CMKLR2: variants seen among roughly 807,000 people sequenced by gnomAD.
CMKLR2 encodes chemerin-like receptor 2.
Under a neutral mutation model 23.0 loss-of-function variants are expected in CMKLR2, and 18 were observed. The observed-to-expected ratio is 0.78, with a 90% CI of 0.54 to 1.16. The LOEUF is 1.16. Among genes scored for constraint, CMKLR2 ranks in the 50% most tolerant of loss-of-function variants. CMKLR2 has a pLI of 0.00. For missense variants in CMKLR2, 401 were observed against 412.7 expected (o/e 0.97, Z 0.25); for synonymous variants, 158 against 158.9 (o/e 0.99, Z 0.05).
intron 1 of CMKLR2, among the ~76,000 whole-genome samples, chr2:206,177,845 T>C (rs955211962): frequency 6.6e-6 from 1 of 152,230 alleles, no homozygotes; most frequent in African/African-American, 2.4e-5. Flanking sequence ...TCTACGGTTA[T>C]AATTCTTCAG....
At chr2:206,206,515 G>A (rs1022110361) in intron 1 of CMKLR2, among the ~76,000 whole-genome samples, 2 of 152,232 alleles carry the variant, frequency 1.3e-5, no homozygotes, top group Non-Finnish European at 2.9e-5. Flanking sequence ...CTTCTAAAAG[G>A]TAAGCGGTAC....
intron 1 of CMKLR2, among the ~76,000 whole-genome samples, chr2:206,197,737 C>G (rs12472357): frequency 0.2 from 30,736 of 151,882 alleles, 3,239 homozygotes; most frequent in Admixed American, 0.28. Flanking sequence ...CTATGTTGCC[C>G]AGGCTGGTCT....
intron 1 of CMKLR2, among the ~76,000 whole-genome samples, chr2:206,183,893 T>C (rs1688492396): frequency 6.6e-6 from 1 of 152,216 alleles, no homozygotes; most frequent in Admixed American, 6.5e-5. Context: ...CCAGACCTCA[T>C]TTAAACCTTC....
chr2:206,211,211 G>A (rs1689547991), intron 1 of CMKLR2, among the ~76,000 whole-genome samples: 1 of 152,136 alleles, frequency 6.6e-6, no homozygotes, highest in Admixed American at 6.6e-5. Context: ...TCATAATGAT[G>A]ATAGTTTATG....
chr2:206,206,123 G>A (rs1424336647), intron 1 of CMKLR2, among the ~76,000 whole-genome samples: 1 of 152,170 alleles, frequency 6.6e-6, no homozygotes, highest in East Asian at 1.9e-4. Flanking sequence ...ATATTTATCT[G>A]TGAAATACCA....
At chr2:206,189,213 C>T (rs376367586) in intron 1 of CMKLR2, among the ~76,000 whole-genome samples, 13 of 152,150 alleles carry the variant, frequency 8.5e-5, no homozygotes, top group East Asian at 1.9e-4. Flanking sequence ...ACTCTGTCTA[C>T]GTAGGTTGCC....
At chr2:206,204,413 T>C (rs1369037243) in intron 1 of CMKLR2, among the ~76,000 whole-genome samples, 1 of 151,586 alleles carries the variant, frequency 6.6e-6, no homozygotes, top group East Asian at 1.9e-4. Flanking sequence ...GATTCTTTCA[T>C]TACATTGTAT....
At position 206,201,787 on chromosome 2, in the gene CMKLR2, G is replaced by A. The variant is rs149640669; in HGVS notation, c.-29+11520C>T. Among the ~76,000 whole-genome samples, 1,314 of 152,304 alleles carry A rather than the reference G, an allele frequency of 8.6e-3. 8 individuals carry two copies. Among genetic ancestry groups the A allele is most frequent in the Middle Eastern group, 0.017 (5 of 294 alleles). On this transcript the variant is annotated intron_variant, in intron 1 of 1. Coordinates refer to ENST00000621141, the MANE Select transcript of CMKLR2 (RefSeq NM_001389445.1). ...CTTTTCTGGGAATTACAGTTTAAGA[G>A]AAACAATGATAAACTGAAATATGTC...
rs34685097 is a variant in CMKLR2, at chr2:206,176,542, G to C, written c.706C>G (p.Arg236Gly). The C allele has an allele frequency of 6.2e-7, 1 of 1,614,034 alleles. No individual in the cohort carries two copies. The highest frequency in any genetic ancestry group is 1.1e-5 in the South Asian group (1 of 91,084). The change falls in exon 2 of 2, where the codon CGA becomes GGA. Residue 236 changes from arginine to glycine, a missense_variant. Transcript: ENST00000621141. ...YLCLIFKVKK[R>G]SILISSRHFW... ...TGCCTACTGGAGATCAGGATGCTTC[G>C]CTTCTTCACCTTGAAGATGAGACAC...
chr2:206,197,895 C>T (rs1205807382), intron 1 of CMKLR2, among the ~76,000 whole-genome samples: 1 of 152,152 alleles, frequency 6.6e-6, no homozygotes, highest in Non-Finnish European at 1.5e-5. Context: ...AAACAAATGA[C>T]AGCCATTTTC....
chr2:206,207,899 T>C (rs1184824848), intron 1 of CMKLR2, among the ~76,000 whole-genome samples: 2 of 151,834 alleles, frequency 1.3e-5, no homozygotes, highest in East Asian at 1.9e-4. Flanking sequence ...TGTGCCACCA[T>C]GCTCAGCTAA....
At chr2:206,191,741 C>T (rs1327370979) in intron 1 of CMKLR2, among the ~76,000 whole-genome samples, 1 of 149,202 alleles carries the variant, frequency 6.7e-6, no homozygotes, top group East Asian at 2.0e-4. Flanking sequence ...GATGTTGGCT[C>T]ACTGCAGCCT....
At chr2:206,190,305 T>C (rs891463252) in intron 1 of CMKLR2, among the ~76,000 whole-genome samples, 1 of 152,216 alleles carries the variant, frequency 6.6e-6, no homozygotes, top group African/African-American at 2.4e-5. Flanking sequence ...AATGTCATGC[T>C]TAAGGGTTTG....
In CMKLR2 at chr2:206,189,799, T is replaced by C. The variant is rs114911319; in HGVS notation, c.-28-12524A>G. 7.1e-3 allele frequency among the ~76,000 whole-genome samples: 1,075 copies of C among 152,248 alleles called. 19 individuals carry two copies. Among genetic ancestry groups the C allele is most frequent in the African/African-American group, 0.025 (1,023 of 41,554 alleles). On this transcript the variant is annotated intron_variant, in intron 1 of 1. Transcript: ENST00000621141. ...TAGGGAAGAAAGATTTTTTGAAACA[T>C]GTATATGTGTGTGTTGCCCCAGGGG... is the stretch of plus-strand genomic sequence containing the variant.
At chr2:206,209,584 T>C (rs1689462585) in intron 1 of CMKLR2, among the ~76,000 whole-genome samples, 1 of 152,058 alleles carries the variant, frequency 6.6e-6, no homozygotes, top group South Asian at 2.1e-4. Flanking sequence ...CGTGTCCATG[T>C]GTTCTCATCA....
At chr2:206,192,671 C>T (rs1003407663) in intron 1 of CMKLR2, among the ~76,000 whole-genome samples, 1 of 151,768 alleles carries the variant, frequency 6.6e-6, no homozygotes, top group Non-Finnish European at 1.5e-5. Context: ...GTAACTTCTT[C>T]CCAAACTTTA....
intron 1 of CMKLR2, among the ~76,000 whole-genome samples, chr2:206,194,751 T>TA (rs1688866216): frequency 8.0e-6 from 1 of 124,228 alleles, no homozygotes; most frequent in African/African-American, 3.2e-5. Context: ...AGACTTTTTT[T>TA]TTTTTTTTTT....
chr2:206,188,090 C>T (rs534121793), intron 1 of CMKLR2, among the ~76,000 whole-genome samples: 2 of 152,278 alleles, frequency 1.3e-5, no homozygotes, highest in South Asian at 4.2e-4. Flanking sequence ...TGTGCCACCA[C>T]ACCTGGCTAA....
chr2:206,213,268 A>C (rs1313988127), intron 1 of CMKLR2, 39 bp downstream of exon 1: 2 of 152,200 alleles, frequency 1.3e-5, no homozygotes, highest in Admixed American at 1.3e-4. Context: ...TCCACTGTAA[A>C]TGTGTCAGTT....
Sources: gnomAD v4.1 joint callset for allele counts (sites outside exome capture counted in the v4.1 genomes callset) on GRCh38, gnomAD v4.1.1 for gene constraint, MANE v1.5 for transcripts, NCBI Gene and HGNC (gene_info 2026-07-23, HGNC 2026-07-21) for gene names.